GSS: variants seen among roughly 807,000 people sequenced by gnomAD.
The protein encoded by GSS is glutathione synthetase.
GSS carries 34 observed loss-of-function variants against 60.4 expected under a neutral mutation model. The ratio of observed to expected loss-of-function variants is 0.56; its 90% confidence interval spans 0.43 to 0.75. GSS has a LOEUF of 0.75. Ranked by LOEUF, GSS falls within the 30% of genes least tolerant of loss-of-function variation. GSS has a pLI of 0.00. For missense variants in GSS, 499 were observed against 595.1 expected (o/e 0.84, Z 1.68); for synonymous variants, 224 against 239.0 (o/e 0.94, Z 0.58).
chr20:34,956,004 A>G (rs1466312067), upstream of GSS: 1 of 152,272 alleles, frequency 6.6e-6, no homozygotes, highest in Non-Finnish European at 1.5e-5. Flanking sequence ...GCGGGGAGCT[A>G]CGGGTATGCA....
At chr20:34,952,472 T>C (rs905794908) in intron 1 of GSS, among the ~76,000 whole-genome samples, 1 of 151,774 alleles carries the variant, frequency 6.6e-6, no homozygotes, top group East Asian at 1.9e-4. Flanking sequence ...TCTCACTCAG[T>C]CGCCTAGGCT....
intron 2 of GSS, among the ~76,000 whole-genome samples, chr20:34,948,180 T>C (rs977560070): frequency 1.6e-4 from 25 of 152,198 alleles, no homozygotes; most frequent in African/African-American, 6.0e-4. Context: ...TTATTCAGTC[T>C]GAAGCCTTTA....
intron 10 of GSS, 135 bp from the exon 11 acceptor site, chr20:34,931,552 T>C (rs1395409891): frequency 1.3e-6 from 1 of 746,954 alleles, no homozygotes; most frequent in Admixed American, 2.0e-5. Context: ...TCAGGCAGGA[T>C]GCTACTATCT....
At chr20:34,930,410 C>A (rs1259658784) in intron 11 of GSS, among the ~76,000 whole-genome samples, 1 of 152,182 alleles carries the variant, frequency 6.6e-6, no homozygotes, top group Admixed American at 6.5e-5. Flanking sequence ...GACCTTCCTA[C>A]TCCCAATCAG....
chr20:34,932,519 C>T (rs1174592640), intron 9 of GSS, among the ~76,000 whole-genome samples: 1 of 152,156 alleles, frequency 6.6e-6, no homozygotes, highest in East Asian at 1.9e-4. Flanking sequence ...CCATTCTACT[C>T]ACACAGGCCT....
intron 1 of GSS, chr20:34,952,103 T>C (rs1230636087): frequency 3.7e-6 from 2 of 547,582 alleles, no homozygotes; most frequent in Non-Finnish European, 6.7e-6. Context: ...CACAATGGCA[T>C]TATTCTCACA....
intron 9 of GSS, among the ~76,000 whole-genome samples, chr20:34,934,332 A>G (rs1280167344): frequency 3.4e-5 from 5 of 148,254 alleles, no homozygotes; most frequent in Non-Finnish European, 7.4e-5. Flanking sequence ...GCTGGAGTGC[A>G]GTGGCATGAT....
chr20:34,943,978 G>A (rs2081503462), intron 3 of GSS, among the ~76,000 whole-genome samples: 1 of 152,178 alleles, frequency 6.6e-6, no homozygotes, highest in South Asian at 2.1e-4. Flanking sequence ...CTGCACACCT[G>A]CTCAAGCCTG....
At chr20:34,934,465 C>G (rs548514962) in intron 9 of GSS, among the ~76,000 whole-genome samples, 3 of 151,826 alleles carry the variant, frequency 2.0e-5, no homozygotes, top group Non-Finnish European at 4.4e-5. Flanking sequence ...TTAGTAGAGA[C>G]GGGGTTTCAC....
chr20:34,952,473 C>T (rs951922636), intron 1 of GSS, among the ~76,000 whole-genome samples: 5 of 151,364 alleles, frequency 3.3e-5, no homozygotes, highest in Non-Finnish European at 7.4e-5. Context: ...CTCACTCAGT[C>T]GCCTAGGCTG....
At chr20:34,942,383 C>T (rs1306909486) in intron 5 of GSS, 105 bp downstream of exon 5, 7 of 1,100,048 alleles carry the variant, frequency 6.4e-6, no homozygotes, top group Non-Finnish European at 9.4e-6. Context: ...GACCCGGGGC[C>T]CAGGAAAGCA....
chr20:34,945,838 T>C (rs1277562221), intron 3 of GSS, 115 bp downstream of exon 3: 7 of 1,117,640 alleles, frequency 6.3e-6, no homozygotes, highest in Non-Finnish European at 9.4e-6. Flanking sequence ...TCTTTGGAGG[T>C]ACCTTTCCTC....
intron 9 of GSS, chr20:34,933,813 T>A (rs2081420588): frequency 6.6e-6 from 1 of 152,160 alleles, no homozygotes; most frequent in Non-Finnish European, 1.5e-5. Flanking sequence ...CAGGGTCATC[T>A]AGTAAGTCAC....
chr20:34,931,797 AG>A (rs1357315169), intron 10 of GSS, 141 bp downstream of exon 10: 19 of 743,154 alleles, frequency 2.6e-5, no homozygotes, highest in Non-Finnish European at 4.5e-5. Flanking sequence ...TCAGAGTTCT[AG>A]GGGTTCTCCA....
chr20:34,935,773 G>C (rs75143849), intron 8 of GSS, 131 bp from the exon 9 acceptor site: 2 of 708,156 alleles, frequency 2.8e-6, no homozygotes, highest in East Asian at 5.4e-5. Flanking sequence ...AGCCTGGTCA[G>C]GGGTTCACTG....
intron 1 of GSS, chr20:34,952,216 C>T (rs2081574674): frequency 2.9e-6 from 1 of 348,844 alleles, no homozygotes; most frequent in Non-Finnish European, 5.6e-6. Flanking sequence ...CCTAAAGGCT[C>T]TTCATTGGAG....
chr20:34,941,613 C>T, intron 6 of GSS, 100 bp downstream of exon 6: 2 of 768,700 alleles, frequency 2.6e-6, no homozygotes, highest in South Asian at 2.7e-5. Context: ...CTAGAAAAAT[C>T]CCCTTATTCT....
rs2081518399 is a variant in GSS, at chr20:34,945,948, C to T, written c.275+5G>A. 1 of 1,614,000 alleles carries T rather than the reference C, an allele frequency of 6.2e-7. No individual in the cohort carries two copies. The highest frequency in any genetic ancestry group is 2.2e-5 in the East Asian group (1 of 44,884). On this transcript the variant is annotated splice_donor_5th_base_variant and intron_variant, in intron 3 of 12. Coordinates refer to ENST00000651619, the MANE Select transcript of GSS (RefSeq NM_000178.4). The stretch of plus-strand genomic sequence containing the variant: ...CTGGCCCCCCAATGCTTCACTGTCC[C>T]CTACCTGGAAAGAGTTTGCTCCAGG...
chr20:34,930,176 G>A (rs1025202940), intron 11 of GSS, among the ~76,000 whole-genome samples: 1 of 151,138 alleles, frequency 6.6e-6, no homozygotes, highest in Non-Finnish European at 1.5e-5. Flanking sequence ...TGAGGCAGGA[G>A]AATCGCTTGA....
Sources: allele counts gnomAD v4.1 joint callset (sites outside exome capture counted in the v4.1 genomes callset), GRCh38; gene constraint gnomAD v4.1.1; transcripts MANE v1.5; gene names NCBI Gene and HGNC (gene_info 2026-07-23, HGNC 2026-07-21).